STRIP1: variants seen among roughly 807,000 people sequenced by gnomAD.
STRIP1 encodes striatin-interacting protein 1.
In STRIP1, 63 loss-of-function variants were observed where a neutral mutation model predicts 106.2. The ratio of observed to expected loss-of-function variants is 0.59; its 90% confidence interval spans 0.48 to 0.73. The LOEUF is 0.73. STRIP1 is among the 30% of genes least tolerant of loss of function. The pLI, the probability that STRIP1 is intolerant of heterozygous loss-of-function variation, is 0.00. For synonymous variants in STRIP1, 390 were observed against 413.0 expected (o/e 0.94, Z 0.67); for missense variants, 857 against 1,074.8 (o/e 0.80, Z 2.83).
Position 110,046,770 on chromosome 1 carries a change from G to T in STRIP1, c.1488+19G>T. The T allele has an allele frequency of 6.2e-7, 1 of 1,603,422 alleles. No homozygotes were observed. The highest frequency in any genetic ancestry group is 8.5e-7 in the Non-Finnish European group (1 of 1,171,124). On this transcript the variant is annotated intron_variant, in intron 13 of 20. Transcript: ENST00000369795. ...CTCAGGGGTAAGTTGGAGGTCCTCA[G>T]TCCGGGCGCGGTGGCTCACGCCTGT...
At position 110,050,292 on chromosome 1, in the gene STRIP1, G is replaced by A. The variant is rs749687708; in HGVS notation, c.1890-51G>A. 8.8e-6 allele frequency: 14 copies of A among 1,588,028 alleles called. No homozygotes were observed. The Admixed American group carries it at 2.2e-4, about 25-fold the overall frequency. On this transcript the variant is annotated intron_variant, in intron 17 of 20. Transcript: ENST00000369795. ...TGGCTCAGGCACGGCTGCTCCACCAGGCCCTGGGCCTTTGCTCATGGTGGG... is the reference window on the plus strand; with the variant it reads ...TGGCTCAGGCACGGCTGCTCCACCAAGCCCTGGGCCTTTGCTCATGGTGGG...
Position 110,039,492 on chromosome 1 carries a change from G to T in STRIP1, c.558G>T (p.Val186=), listed in dbSNP as rs943438139. 1 of 1,606,566 alleles carries T rather than the reference G, an allele frequency of 6.2e-7. No homozygotes were observed. Among genetic ancestry groups the T allele is most frequent in the Non-Finnish European group, 8.5e-7 (1 of 1,176,582 alleles). ...LLEVGTFNAL[V]ELLNMEIDNS... ...AGGTGGGCACGTTCAATGCTTTGGT[G>T]GAGCTTCTGAACATGGAAATAGAGT... Residue 186 remains valine (V), a synonymous_variant, in exon 5 of 21, where the codon GTG becomes GTT. Transcript: ENST00000369795.
intron 20 of STRIP1, 30 bp downstream of exon 20, chr1:110,051,917 T>C: frequency 6.2e-7 from 1 of 1,607,796 alleles, no homozygotes; most frequent in Non-Finnish European, 8.5e-7. Flanking sequence ...CAGATTTGGG[T>C]GGGAGTGTGT....
Position 110,053,974 on chromosome 1 carries a change from T to G in STRIP1, c.*62T>G. On this transcript the variant is annotated 3_prime_UTR_variant, in exon 21 of 21. Transcript: ENST00000369795. ...TGATCTGAAGGTACCTGTGGGACTG[T>G]CCTAGTTCATTGCTGCAGTGCTCCC... The G allele has an allele frequency of 6.3e-7, 1 of 1,583,250 alleles. No homozygotes were observed. The highest frequency in any genetic ancestry group is 8.6e-7 in the Non-Finnish European group (1 of 1,161,912).
chr1:110,046,020 T>C (rs1008072225), intron 12 of STRIP1, among the ~76,000 whole-genome samples: 2 of 152,240 alleles, frequency 1.3e-5, no homozygotes, highest in Admixed American at 1.3e-4. Context: ...TTTTGAAATA[T>C]ATTTTTGGAA....
chr1:110,040,165 G>T (rs2101769262), intron 5 of STRIP1, among the ~76,000 whole-genome samples: 1 of 151,934 alleles, frequency 6.6e-6, no homozygotes, highest in East Asian at 1.9e-4. Flanking sequence ...TTTTGTTTTT[G>T]TTTTTGTGTT....
At chr1:110,051,647 C>A in intron 19 of STRIP1, 36 bp from the exon 20 acceptor site, 1 of 1,557,702 alleles carries the variant, frequency 6.4e-7, no homozygotes, top group Non-Finnish European at 8.7e-7. Context: ...TTATTTTTGT[C>A]TTCAACTTGG....
chr1:110,048,755 T>G (rs1386940606), intron 15 of STRIP1, among the ~76,000 whole-genome samples: 1 of 152,198 alleles, frequency 6.6e-6, no homozygotes, highest in Non-Finnish European at 1.5e-5. Context: ...TTCCATGACA[T>G]GAAACTTGCC....
Position 110,040,696 on chromosome 1 carries a change from G to T in STRIP1, c.643G>T (p.Asp215Tyr). Reference sequence around the variant, plus strand: ...TGCCATCTCCCTGGCTGACAGCACAGACCTCAGGTGAGGCGAGCAGCAAGC... The same window carrying T: ...TGCCATCTCCCTGGCTGACAGCACATACCTCAGGTGAGGCGAGCAGCAAGC... ...KPAISLADST[D>Y]LRVLLNIMYL... Residue 215 changes from aspartate (D) to tyrosine (Y), a missense_variant, in exon 6 of 21, where the codon GAC (aspartate) becomes TAC (tyrosine). Asp to Tyr is a radical substitution (Grantham distance 160). Transcript: ENST00000369795. The T allele has an allele frequency of 6.2e-7, 1 of 1,610,970 alleles. No individual in the cohort carries two copies. The highest frequency in any genetic ancestry group is 1.1e-5 in the South Asian group (1 of 90,332).
At position 110,051,725 on chromosome 1, in the gene STRIP1, C is replaced by A. The variant is rs1020771142; in HGVS notation, c.2104C>A (p.Leu702Ile). ...FKSAPILKRA[L>I]KVKQAMMQLY... ...GTCAGCCCCCATCTTGAAGCGGGCCCTAAAGGTGAAACAAGCCATGATGCA... is the reference window on the plus strand; with the variant it reads ...GTCAGCCCCCATCTTGAAGCGGGCCATAAAGGTGAAACAAGCCATGATGCA... Residue 702 changes from leucine (L) to isoleucine (I), a missense_variant, in exon 20 of 21, where the codon CTA becomes ATA. By Grantham distance (5) the Leu-to-Ile change is conservative. This residue lies in a region of STRIP1 where 750 missense variants were observed against 989.8 expected (regional missense o/e 0.76). Transcript: ENST00000369795. The A allele has an allele frequency of 1.2e-6, 2 of 1,612,742 alleles. No individual in the cohort carries two copies. The highest frequency in any genetic ancestry group is 2.7e-5 in the African/African-American group (2 of 74,880).
intron 1 of STRIP1, among the ~76,000 whole-genome samples, chr1:110,036,079 G>T (rs1474362591): frequency 6.6e-6 from 1 of 152,204 alleles, no homozygotes; most frequent in Non-Finnish European, 1.5e-5. Flanking sequence ...TTGAAAAATG[G>T]TTTAAAATTT....
Position 110,051,759 on chromosome 1 carries a change from T to C in STRIP1, c.2138T>C (p.Val713Ala). The C allele has an allele frequency of 1.2e-6, 2 of 1,613,912 alleles. No individual in the cohort carries two copies. Among genetic ancestry groups the C allele is most frequent in the East Asian group, 4.5e-5 (2 of 44,888 alleles). Residue 713 changes from valine (V) to alanine (A), a missense_variant, in exon 20 of 21, where the codon GTG (valine) becomes GCG (alanine). By Grantham distance (64) the Val-to-Ala change is moderately conservative. Transcript: ENST00000369795. ...AAACAAGCCATGATGCAGCTCTATG[T>C]GCTGAAGCTGCTCAAGGTACAGACC... ...KVKQAMMQLY[V>A]LKLLKVQTKY...
chr1:110,053,561 G>A, intron 20 of STRIP1, 104 bp from the exon 21 acceptor site: 1 of 1,480,294 alleles, frequency 6.8e-7, no homozygotes, highest in Non-Finnish European at 9.2e-7. Context: ...TGAGCTCGGA[G>A]GTATCCTGCT....
In STRIP1 at chr1:110,050,339, G is replaced by A; in HGVS notation, c.1890-4G>A. On this transcript the variant is annotated splice_polypyrimidine_tract_variant and splice_region_variant and intron_variant, in intron 17 of 20. Transcript: ENST00000369795. ...TGGGCATCTGGTTCCTCTCCCCTCT[G>A]CAGCATTTCTGTCCTGGATTACCCT... The A allele has an allele frequency of 6.2e-7, 1 of 1,614,136 alleles. No individual in the cohort carries two copies. Among genetic ancestry groups the A allele is most frequent in the Non-Finnish European group, 8.5e-7 (1 of 1,179,992 alleles).
intron 1 of STRIP1, among the ~76,000 whole-genome samples, chr1:110,035,471 T>C (rs1652406633): frequency 6.6e-6 from 1 of 152,168 alleles, no homozygotes; most frequent in Admixed American, 6.5e-5. Flanking sequence ...GAAATAGACA[T>C]TTTAAGCATG....
chr1:110,043,536 T>G, intron 9 of STRIP1, 103 bp from the exon 10 acceptor site: 3 of 1,081,836 alleles, frequency 2.8e-6, no homozygotes, highest in East Asian at 5.1e-5. Flanking sequence ...TCCACTGTTC[T>G]TGCCTCTACT....
At position 110,034,632 on chromosome 1, in the gene STRIP1, G is replaced by C; in HGVS notation, c.-6G>C. ...CGAGTTAAGCTGGGGGTGTGGAGCA[G>C]CCAAGATGGAGCCGGCAGTCGGCGG... On this transcript the variant is annotated 5_prime_UTR_variant, in exon 1 of 21. Coordinates refer to ENST00000369795, the MANE Select transcript of STRIP1 (RefSeq NM_033088.4). 5 of 1,520,508 alleles carry C rather than the reference G, an allele frequency of 3.3e-6. No individual in the cohort carries two copies. The highest frequency in any genetic ancestry group is 4.4e-6 in the Non-Finnish European group (5 of 1,135,136). 94.2% of individuals were successfully genotyped at this position (1,520,508 alleles called of 1,614,324 possible). A position where few individuals can be genotyped will look rare whatever the true frequency, so the allele number is the denominator to read the frequency against.
chr1:110,045,105 C>A, intron 12 of STRIP1, 27 bp downstream of exon 12: 1 of 1,610,596 alleles, frequency 6.2e-7, no homozygotes, highest in Non-Finnish European at 8.5e-7. Flanking sequence ...GAGCTTTTGG[C>A]TTGTTTGGTC....
rs1483727884 is a variant in STRIP1 at position 110,054,521 on chromosome 1, T to G, written c.*609T>G. On this transcript the variant is annotated 3_prime_UTR_variant, in exon 21 of 21. Coordinates refer to ENST00000369795, the MANE Select transcript of STRIP1 (RefSeq NM_033088.4). ...GCTTCCCTTAACCAGAGGGGCCATTTTTCCTTTTGGCTTTCGAGGGCCTGT... is the reference window on the plus strand; with the variant it reads ...GCTTCCCTTAACCAGAGGGGCCATTGTTCCTTTTGGCTTTCGAGGGCCTGT... The G allele has an allele frequency of 6.5e-6, 1 of 153,068 alleles. No individual in the cohort carries two copies. The highest frequency in any genetic ancestry group is 2.4e-5 in the African/African-American group (1 of 41,460). 9.5% of individuals were successfully genotyped at this position (153,068 alleles called of 1,614,324 possible).
Sources: gnomAD v4.1 joint callset for allele counts (sites outside exome capture counted in the v4.1 genomes callset) on GRCh38, gnomAD v4.1.1 for gene constraint, gnomAD v4.1.1 regional missense constraint, MANE v1.5 for transcripts, NCBI Gene and HGNC (gene_info 2026-07-23, HGNC 2026-07-21) for gene names.